The following TMEM178B variants were observed in gnomAD, a reference collection of about 807,000 sequenced individuals.
TMEM178B encodes transmembrane protein 178B.
In TMEM178B, 5 loss-of-function variants were observed where a neutral mutation model predicts 31.0. That is an observed-to-expected ratio of 0.16 (90% CI 0.08 to 0.34). The LOEUF is 0.34. Ranked by LOEUF, TMEM178B falls within the 10% of genes least tolerant of loss-of-function variation. The probability of loss-of-function intolerance (pLI) is 1.00; values close to 1 mark genes in which losing one functional copy is unlikely to be tolerated. For missense variants in TMEM178B, 275 were observed against 400.3 expected (o/e 0.69, Z 2.67); for synonymous variants, 164 against 164.0 (o/e 1.00, Z 0.00).
chr7:141,074,658 C>T lies in TMEM178B; in HGVS notation c.348C>T (p.Gly116=), dbSNP rs942359765. 7 of 1,520,844 alleles carry T rather than the reference C, an allele frequency of 4.6e-6. No individual in the cohort carries two copies. The highest frequency in any genetic ancestry group is 6.2e-6 in the Non-Finnish European group (7 of 1,135,932). 94.2% of individuals were successfully genotyped at this position (1,520,844 alleles called of 1,614,324 possible). A position where few individuals can be genotyped will look rare whatever the true frequency, so the allele number is the denominator to read the frequency against. Residue 116 remains glycine, a synonymous_variant, in exon 1 of 4, where the codon GGC becomes GGT. Transcript: ENST00000565468. This position sits in a 1 kb window ranked among gnomAD's most constrained non-coding sequence, Gnocchi z 5.1. ...MGLWRKCHRQ[G]FDPEIAALIR... ...TCTGGAGGAAGTGCCACCGGCAGGG[C>T]TTCGACCCCGAGATCGCCGCCCTCA...
intron 1 of TMEM178B, among the ~76,000 whole-genome samples, chr7:141,075,029 G>T (rs896264734): frequency 1.3e-5 from 2 of 152,190 alleles, no homozygotes; most frequent in African/African-American, 4.8e-5. Flanking sequence ...CTTAAAGGAA[G>T]CCCTTTAGGA....
At chr7:141,083,438 A>G (rs369206180) in intron 1 of TMEM178B, among the ~76,000 whole-genome samples, 6 of 151,100 alleles carry the variant, frequency 4.0e-5, no homozygotes, top group African/African-American at 9.7e-5. Flanking sequence ...GAGGGTGAAA[A>G]GAGGGGCAAG....
chr7:141,441,841 C>A (rs1455672385), intron 3 of TMEM178B, among the ~76,000 whole-genome samples: 1 of 152,178 alleles, frequency 6.6e-6, no homozygotes, highest in Non-Finnish European at 1.5e-5. Context: ...AGTAGGGGCA[C>A]CCTGCACCCT....
At chr7:141,313,091 A>G (rs1010987001) in intron 2 of TMEM178B, among the ~76,000 whole-genome samples, 1 of 152,160 alleles carries the variant, frequency 6.6e-6, no homozygotes. Flanking sequence ...TCTGACACAA[A>G]GGTTGGAAGG....
intron 1 of TMEM178B, among the ~76,000 whole-genome samples, chr7:141,159,950 T>A (rs969305326): frequency 2.0e-5 from 3 of 150,426 alleles, no homozygotes; most frequent in South Asian, 2.1e-4. Flanking sequence ...TGGTGAATTT[T>A]AAAAAAATTG....
intron 2 of TMEM178B, among the ~76,000 whole-genome samples, chr7:141,407,537 A>G (rs746981057): frequency 1.3e-5 from 2 of 152,136 alleles, no homozygotes; most frequent in African/African-American, 4.8e-5. Flanking sequence ...TAGCTTACAT[A>G]TATTCGTCTA....
chr7:141,105,951 C>T (rs967894099), intron 1 of TMEM178B, among the ~76,000 whole-genome samples: 1 of 151,736 alleles, frequency 6.6e-6, no homozygotes, highest in Non-Finnish European at 1.5e-5. Context: ...AAAAATTAGC[C>T]GGGCGTGGTA....
chr7:141,298,164 A>C lies in TMEM178B; in HGVS notation c.496+85460A>C, dbSNP rs539519988. Among the ~76,000 whole-genome samples, 164 of 152,280 alleles carry C rather than the reference A, an allele frequency of 1.1e-3. 1 individual carries two copies. Among genetic ancestry groups the C allele is most frequent in the African/African-American group, 3.8e-3 (157 of 41,552 alleles). On this transcript the variant is annotated intron_variant, in intron 2 of 3. Transcript: ENST00000565468. ...GTTGCATAAATGTCTTCTTTTGAGA[A>C]GTGTCTGTTCATATTCTTTGCCCAC...
chr7:141,370,359 C>T (rs1052910714), intron 2 of TMEM178B, among the ~76,000 whole-genome samples: 3 of 152,158 alleles, frequency 2.0e-5, no homozygotes, highest in African/African-American at 7.2e-5. Context: ...CAGGGCTGGG[C>T]TGAGCTACTC....
chr7:141,184,488 C>T (rs1796576913), intron 1 of TMEM178B, among the ~76,000 whole-genome samples: 1 of 152,150 alleles, frequency 6.6e-6, no homozygotes, highest in South Asian at 2.1e-4. Context: ...GCAAGACCCA[C>T]ACTATGGTCT....
the TMEM178B span, among the ~76,000 whole-genome samples, chr7:141,495,816 G>A: frequency 2.6e-5 from 4 of 152,166 alleles, no homozygotes; most frequent in Admixed American, 2.0e-4. Context: ...CACCAGACAT[G>A]TAAGTTTGAT....
chr7:141,268,998 T>TTTGCAAG (rs1284106418), intron 2 of TMEM178B, among the ~76,000 whole-genome samples: 2 of 152,144 alleles, frequency 1.3e-5, no homozygotes, highest in Non-Finnish European at 2.9e-5. Flanking sequence ...TCAAGGGGGT[T>TTTGCAAG]TTGCAAGAGT....
At chr7:141,348,444 T>A (rs1799656883) in intron 2 of TMEM178B, among the ~76,000 whole-genome samples, 1 of 152,314 alleles carries the variant, frequency 6.6e-6, no homozygotes, top group Middle Eastern at 3.4e-3. Flanking sequence ...GCATTCCGAC[T>A]GGGGAGTCAA....
intron 1 of TMEM178B, among the ~76,000 whole-genome samples, chr7:141,157,256 G>A (rs987526895): frequency 6.6e-6 from 1 of 152,128 alleles, no homozygotes; most frequent in African/African-American, 2.4e-5. Context: ...TTTGAGGACA[G>A]GAAAGGGTGA....
At chr7:141,152,158 G>A (rs1334937674) in intron 1 of TMEM178B, among the ~76,000 whole-genome samples, 1 of 152,186 alleles carries the variant, frequency 6.6e-6, no homozygotes, top group Non-Finnish European at 1.5e-5. Flanking sequence ...CAAGCCAGGA[G>A]ACCAAAGTCA....
intron 2 of TMEM178B, among the ~76,000 whole-genome samples, chr7:141,247,204 T>TACAC (rs3035767): frequency 0.039 from 5,826 of 150,050 alleles, 349 homozygotes; most frequent in African/African-American, 0.13. Context: ...GGTTTCTCTC[T>TACAC]ACACACACAC....
At chr7:141,250,191 A>G (rs1327832723) in intron 2 of TMEM178B, among the ~76,000 whole-genome samples, 1 of 152,204 alleles carries the variant, frequency 6.6e-6, no homozygotes, top group African/African-American at 2.4e-5. Context: ...AGCTAGTTTT[A>G]TAGATGTGGA....
chr7:141,222,698 T>C (rs1797275516), intron 2 of TMEM178B, among the ~76,000 whole-genome samples: 1 of 152,306 alleles, frequency 6.6e-6, no homozygotes, highest in East Asian at 1.9e-4. Context: ...TGCAGGTGAA[T>C]TGGCCTTGTA....
chr7:141,233,579 T>C (rs1797480877), intron 2 of TMEM178B, among the ~76,000 whole-genome samples: 1 of 152,190 alleles, frequency 6.6e-6, no homozygotes, highest in South Asian at 2.1e-4. Flanking sequence ...GTGTTGTAAC[T>C]TCCATGTCCC....
Sources: allele counts gnomAD v4.1 joint callset (sites outside exome capture counted in the v4.1 genomes callset), GRCh38; gene constraint gnomAD v4.1.1; non-coding constraint Gnocchi (gnomAD v3.1); transcripts MANE v1.5; gene names NCBI Gene and HGNC (gene_info 2026-07-23, HGNC 2026-07-21).